NECAB1: variants seen among roughly 807,000 people sequenced by gnomAD.
The protein encoded by NECAB1 is N-terminal EF-hand calcium-binding protein 1.
NECAB1 carries 29 observed loss-of-function variants against 57.5 expected under a neutral mutation model. The ratio of observed to expected loss-of-function variants is 0.50; its 90% CI spans 0.38 to 0.69. The LOEUF is 0.69. NECAB1 is among the 30% of genes least tolerant of loss of function. The probability of loss-of-function intolerance (pLI) is 0.00; values close to 1 mark genes in which losing one functional copy is unlikely to be tolerated. For missense variants in NECAB1, 372 were observed against 413.8 expected, an observed-to-expected ratio of 0.90 and a Z score of 0.88; for synonymous variants, 142 against 147.7, an observed-to-expected ratio of 0.96 and a Z score of 0.28.
intron 3 of NECAB1, among the ~76,000 whole-genome samples, chr8:90,865,316 A>G (rs1403322174): frequency 2.6e-5 from 4 of 152,138 alleles, no homozygotes; most frequent in Non-Finnish European, 4.4e-5. Context: ...CCAGAATTAG[A>G]GAGGTTCAGA....
intron 2 of NECAB1, among the ~76,000 whole-genome samples, chr8:90,819,174 C>T (rs1046696109): frequency 6.6e-6 from 1 of 151,546 alleles, no homozygotes; most frequent in Non-Finnish European, 1.5e-5. Context: ...AATTTTTATC[C>T]GTCTGTTTAC....
At chr8:90,925,499 T>A (rs1202795846) in intron 6 of NECAB1, 36 bp from the exon 7 acceptor site, 1 of 1,603,748 alleles carries the variant, frequency 6.2e-7, no homozygotes, top group Admixed American at 1.7e-5. Flanking sequence ...ACTGAAGCAC[T>A]AACATTAAGG....
chr8:90,841,881 A>G (rs1812462335), intron 3 of NECAB1, among the ~76,000 whole-genome samples: 1 of 152,240 alleles, frequency 6.6e-6, no homozygotes, highest in African/African-American at 2.4e-5. Context: ...TCAGGAGCCC[A>G]TGCAGTTCTC....
chr8:90,887,703 C>T (rs1386232269), intron 5 of NECAB1, among the ~76,000 whole-genome samples: 1 of 151,948 alleles, frequency 6.6e-6, no homozygotes, highest in African/African-American at 2.4e-5. Context: ...AGATAATGAC[C>T]CTACTTTGAC....
chr8:90,834,274 A>G (rs1419699292), intron 3 of NECAB1, among the ~76,000 whole-genome samples: 3 of 151,980 alleles, frequency 2.0e-5, no homozygotes, highest in African/African-American at 7.3e-5. Context: ...TTTCAAGAGC[A>G]ATTTTTTAAG....
intron 5 of NECAB1, among the ~76,000 whole-genome samples, chr8:90,897,052 C>G (rs1045246606): frequency 2.0e-5 from 3 of 147,578 alleles, no homozygotes. Flanking sequence ...AAGTACCTTG[C>G]TTTGCTGAGA....
chr8:90,805,063 T>TA (rs1811825592), intron 2 of NECAB1, among the ~76,000 whole-genome samples: 1 of 152,262 alleles, frequency 6.6e-6, no homozygotes, highest in African/African-American at 2.4e-5. Context: ...TTTAACATTT[T>TA]AGTTATTTCT....
In NECAB1 at chr8:90,955,498, A is replaced by T. The variant is rs1228635930; in HGVS notation, c.1042A>T (p.Ile348Phe). ...STMLVPASWW[I>F]LNN is the part of the protein sequence containing the mutation. ...TTTTCTCTTTTCAGCTTCGTGGTGG[A>T]TCCTGAACAACTAGATGTTCCTAGA... Residue 348 changes from isoleucine (I) to phenylalanine (F), a missense_variant, in exon 13 of 13, where the codon ATC becomes TTC. Transcript: ENST00000417640. The T allele has an allele frequency of 2.6e-6, 4 of 1,554,284 alleles. No individual in the cohort carries two copies. The highest frequency in any genetic ancestry group is 3.5e-6 in the Non-Finnish European group (4 of 1,147,542).
intron 3 of NECAB1, among the ~76,000 whole-genome samples, chr8:90,866,715 G>A (rs752434345): frequency 2.0e-5 from 3 of 152,008 alleles, no homozygotes; most frequent in Non-Finnish European, 4.4e-5. Context: ...ACAAATCAAC[G>A]CCAGTTAGAA....
At chr8:90,849,721 T>C (rs2129772166) in intron 3 of NECAB1, among the ~76,000 whole-genome samples, 1 of 125,176 alleles carries the variant, frequency 8.0e-6, no homozygotes, top group South Asian at 2.6e-4. Context: ...TGGAATGGAG[T>C]CTTGCTCTGT....
At chr8:90,819,024 C>T (rs1402564682) in intron 2 of NECAB1, among the ~76,000 whole-genome samples, 1 of 151,798 alleles carries the variant, frequency 6.6e-6, no homozygotes, top group Non-Finnish European at 1.5e-5. Context: ...GGAGAAATAC[C>T]GACATTTCTA....
At chr8:90,878,968 GTC>G (rs59718423) in intron 4 of NECAB1, among the ~76,000 whole-genome samples, 8,975 of 141,010 alleles carry the variant, frequency 0.064, 963 homozygotes, top group African/African-American at 0.22. Context: ...ACTAATCACT[GTC>G]TCTCTCTCTC....
At chr8:90,906,877 AT>A in intron 5 of NECAB1, among the ~76,000 whole-genome samples, 1 of 56,330 alleles carries the variant, frequency 1.8e-5, no homozygotes, top group South Asian at 6.6e-4. Flanking sequence ...TGATATACAC[AT>A]ATATATATAT....
At chr8:90,859,509 C>T (rs1033512776) in intron 3 of NECAB1, among the ~76,000 whole-genome samples, 3 of 152,132 alleles carry the variant, frequency 2.0e-5, no homozygotes, top group Non-Finnish European at 4.4e-5. Flanking sequence ...AGTAGGTCAA[C>T]AAGAAGCAAG....
At chr8:90,794,542 G>T (rs1316975251) in intron 1 of NECAB1, among the ~76,000 whole-genome samples, 1 of 152,112 alleles carries the variant, frequency 6.6e-6, no homozygotes, top group South Asian at 2.1e-4. Context: ...GATGTAAACT[G>T]CTACTGAGAA....
intron 1 of NECAB1, among the ~76,000 whole-genome samples, chr8:90,796,263 C>T (rs977559721): frequency 3.3e-5 from 5 of 152,172 alleles, no homozygotes; most frequent in South Asian, 2.1e-4. Context: ...CTAATGATTG[C>T]GACACCTGGG....
intron 3 of NECAB1, among the ~76,000 whole-genome samples, chr8:90,843,094 C>A (rs961610753): frequency 6.6e-6 from 1 of 152,142 alleles, no homozygotes; most frequent in Non-Finnish European, 1.5e-5. Flanking sequence ...TCCTACATGG[C>A]AGCAGGCAAG....
intron 2 of NECAB1, among the ~76,000 whole-genome samples, chr8:90,809,768 ATAAG>A (rs1811920326): frequency 6.6e-6 from 1 of 151,778 alleles, no homozygotes; most frequent in Admixed American, 6.6e-5. Flanking sequence ...TGATCTAGTA[ATAAG>A]TGATATTTCT....
At chr8:90,830,905 T>G (rs1268606856) in intron 3 of NECAB1, among the ~76,000 whole-genome samples, 2 of 152,110 alleles carry the variant, frequency 1.3e-5, no homozygotes, top group East Asian at 3.9e-4. Flanking sequence ...GGCAAATGAT[T>G]TTGTAGTAGG....
Sources: gnomAD v4.1 joint callset for allele counts (sites outside exome capture counted in the v4.1 genomes callset) on GRCh38, gnomAD v4.1.1 for gene constraint, MANE v1.5 for transcripts, NCBI Gene and HGNC (gene_info 2026-07-23, HGNC 2026-07-21) for gene names.